The following UACA variants were observed in gnomAD, a reference collection of about 807,000 sequenced individuals.
UACA encodes uveal autoantigen with coiled-coil domains and ankyrin repeats.
A neutral mutation model predicts 160.5 loss-of-function variants in UACA; 112 were observed. The ratio of observed to expected loss-of-function variants is 0.70; its 90% confidence interval spans 0.60 to 0.82. The LOEUF (loss-of-function observed/expected upper bound fraction) is 0.82. UACA is among the 40% of genes least tolerant of loss of function. The pLI is 0.00. For missense variants in UACA, 1,574 were observed against 1,614.6 expected (o/e 0.97, Z 0.43); for synonymous variants, 557 against 568.4 (o/e 0.98, Z 0.29).
At chr15:70,720,468 C>T (rs1267459077) in intron 1 of UACA, among the ~76,000 whole-genome samples, 6 of 152,068 alleles carry the variant, frequency 3.9e-5, no homozygotes, top group Non-Finnish European at 7.4e-5. Flanking sequence ...CCATGCCCCA[C>T]CCATTCTTCC....
intron 18 of UACA, among the ~76,000 whole-genome samples, chr15:70,658,511 G>T (rs987005020): frequency 1.3e-5 from 2 of 152,118 alleles, no homozygotes; most frequent in Admixed American, 6.5e-5. Context: ...GTGTAATATT[G>T]CCAGTCCCAC....
intron 1 of UACA, among the ~76,000 whole-genome samples, chr15:70,746,497 G>T (rs1408580847): frequency 6.6e-6 from 1 of 152,168 alleles, no homozygotes; most frequent in Non-Finnish European, 1.5e-5. Flanking sequence ...ATGCTGGAGA[G>T]GACATGGAGA....
intron 1 of UACA, among the ~76,000 whole-genome samples, chr15:70,725,809 G>GGAA (rs1048375345): frequency 1.3e-5 from 2 of 152,108 alleles, no homozygotes; most frequent in African/African-American, 4.8e-5. Context: ...AACAATCCAA[G>GGAA]GAAGATGAAG....
intron 1 of UACA, among the ~76,000 whole-genome samples, chr15:70,737,038 A>AT (rs1566994852): frequency 6.6e-6 from 1 of 152,062 alleles, no homozygotes; most frequent in Non-Finnish European, 1.5e-5. Context: ...CCATCCTATT[A>AT]TTTTTTTGAA....
At chr15:70,770,513 T>C in the UACA span, among the ~76,000 whole-genome samples, 1 of 152,242 alleles carries the variant, frequency 6.6e-6, no homozygotes, top group Non-Finnish European at 1.5e-5. Context: ...CTTGCTGTTT[T>C]AAGAATGTTG....
intron 13 of UACA, 124 bp downstream of exon 13, chr15:70,676,369 C>CTTTAAA: frequency 1.4e-6 from 1 of 709,108 alleles, no homozygotes; most frequent in African/African-American, 1.8e-5. Context: ...AGTTTGAAGA[C>CTTTAAA]TTTAAATAAG....
chr15:70,740,637 C>CA (rs10536483), intron 1 of UACA, among the ~76,000 whole-genome samples: 56 of 83,986 alleles, frequency 6.7e-4, no homozygotes, highest in African/African-American at 1.2e-3. Context: ...GACCCTGTCT[C>CA]AAAAAAAAAA....
chr15:70,701,996 T>G, intron 1 of UACA: 1 of 1,586,966 alleles, frequency 6.3e-7, no homozygotes. Flanking sequence ...CAAAGCAAAC[T>G]CTCAGACAAA....
intron 1 of UACA, chr15:70,758,957 C>A (rs2030584727): frequency 6.6e-6 from 1 of 152,178 alleles, no homozygotes; most frequent in Non-Finnish European, 1.5e-5. Flanking sequence ...TTCACTGCAG[C>A]CTTGACCTCC....
chr15:70,699,481 T>C lies in UACA; in HGVS notation c.212+46A>G, dbSNP rs145446295. On this transcript the variant is annotated intron_variant, in intron 2 of 18. Coordinates refer to ENST00000322954, the MANE Select transcript of UACA (RefSeq NM_018003.4). ...ACAAGTTTCATTTGTATCCCAAGAC[T>C]ATCCAAATTCCCTTCAGACATGCTT... The C allele has an allele frequency of 7.2e-5, 114 of 1,594,366 alleles. No homozygotes were observed. In the African/African-American group the frequency reaches 1.4e-3, roughly 20 times the overall value.
In UACA at chr15:70,668,650, A is replaced by G; in HGVS notation, c.2034T>C (p.Leu678=). Residue 678 remains leucine (L), a synonymous_variant, in exon 16 of 19, where the codon CTT becomes CTC. Transcript: ENST00000322954. ...GTTCCTCTGGTTTGACGTGCTGAGCAAGCTTGGCCTTAACATTCTCAAGTT... is the reference window on the plus strand; with the variant it reads ...GTTCCTCTGGTTTGACGTGCTGAGCGAGCTTGGCCTTAACATTCTCAAGTT... ...KRELENVKAK[L]AQHVKPEEHE... The G allele has an allele frequency of 6.2e-7, 1 of 1,614,088 alleles. No homozygotes were observed. Among genetic ancestry groups the G allele is most frequent in the Non-Finnish European group, 8.5e-7 (1 of 1,180,012 alleles).
At chr15:70,728,575 G>GAAAAAAAAAAAAC (rs1899220500) in intron 1 of UACA, among the ~76,000 whole-genome samples, 1 of 118,284 alleles carries the variant, frequency 8.5e-6, no homozygotes, top group African/African-American at 3.3e-5. Flanking sequence ...AAAAAAAAAA[G>GAAAAAAAAAAAAC]AAAAAAAAAA....
At chr15:70,706,888 G>T (rs989739518) in intron 1 of UACA, among the ~76,000 whole-genome samples, 3 of 152,174 alleles carry the variant, frequency 2.0e-5, no homozygotes, top group Non-Finnish European at 4.4e-5. Context: ...CCAGAGATCA[G>T]TGCAATCCCT....
Position 70,666,936 on chromosome 15 carries a change from G to T in UACA, c.3748C>A (p.Leu1250Met), listed in dbSNP as rs780844113. 2 of 1,612,124 alleles carry T rather than the reference G, an allele frequency of 1.2e-6. No individual in the cohort carries two copies. The highest frequency in any genetic ancestry group is 1.7e-6 in the Non-Finnish European group (2 of 1,179,632). Residue 1250 changes from leucine to methionine, a missense_variant, in exon 16 of 19, where the codon CTG becomes ATG. Coordinates refer to ENST00000322954, the MANE Select transcript of UACA (RefSeq NM_018003.4). Reference sequence around the variant, plus strand: ...CATACTTCCTCATACTTTCTATTCAGATTGGCCAATTTTTCATTTAAGCTA... The same window carrying T: ...CATACTTCCTCATACTTTCTATTCATATTGGCCAATTTTTCATTTAAGCTA... ...ISSLNEKLAN[L>M]NRKYEEVCEE...
chr15:70,678,174 C>G lies in UACA; in HGVS notation c.924G>C (p.Glu308Asp). The G allele has an allele frequency of 6.2e-7, 1 of 1,611,514 alleles. No homozygotes were observed. The highest frequency in any genetic ancestry group is 8.5e-7 in the Non-Finnish European group (1 of 1,179,412). The change falls in exon 11 of 19, where the codon GAG becomes GAC. Residue 308 changes from glutamate (E) to aspartate (D), a missense_variant. By Grantham distance (45) the Glu-to-Asp change is conservative. Coordinates refer to ENST00000322954, the MANE Select transcript of UACA (RefSeq NM_018003.4). ...DLEIENEDLK[E>D]RLRKIQQEQR... ...GTTCTTGCTGAATTTTTCTCAACCT[C>G]TCTTTCAAATCTTCATTTTCAATCT...
At chr15:70,729,110 C>T (rs1899237253) in intron 1 of UACA, among the ~76,000 whole-genome samples, 1 of 152,214 alleles carries the variant, frequency 6.6e-6, no homozygotes, top group Admixed American at 6.5e-5. Flanking sequence ...AGTTCAGCCA[C>T]TGTGGAAAGC....
At position 70,660,205 on chromosome 15, in the gene UACA, T is replaced by C. The variant is rs746078546; in HGVS notation, c.4125A>G (p.Arg1375=). Residue 1375 remains arginine (R), a synonymous_variant, in exon 18 of 19, where the codon AGA becomes AGG. Transcript: ENST00000322954. ...AAATTGCAATTACTTCTTGGTGCTG[T>C]CTGTCAGCATCCTAGAAATGTGGAA... The part of the protein sequence containing the change: ...SLEQQLADAD[R]QHQEVIAIYR... The C allele has an allele frequency of 5.0e-6, 8 of 1,613,430 alleles. No individual in the cohort carries two copies. Among genetic ancestry groups the C allele is most frequent in the Non-Finnish European group, 5.9e-6 (7 of 1,179,528 alleles).
At chr15:70,740,478 A>C (rs553988122) in intron 1 of UACA, among the ~76,000 whole-genome samples, 1 of 151,672 alleles carries the variant, frequency 6.6e-6, no homozygotes, top group Admixed American at 6.6e-5. Context: ...TCAATCTATC[A>C]ATCAAAAAAT....
At chr15:70,722,064 A>G (rs1203366100) in intron 1 of UACA, among the ~76,000 whole-genome samples, 1 of 152,212 alleles carries the variant, frequency 6.6e-6, no homozygotes, top group Non-Finnish European at 1.5e-5. Flanking sequence ...GAAAACTCAG[A>G]TAAGGGATGG....
Sources: gnomAD v4.1 joint callset for allele counts (sites outside exome capture counted in the v4.1 genomes callset) on GRCh38, gnomAD v4.1.1 for gene constraint, MANE v1.5 for transcripts, NCBI Gene and HGNC (gene_info 2026-07-23, HGNC 2026-07-21) for gene names.